The following NME7 variants were observed in gnomAD, a reference collection of about 807,000 sequenced individuals.
NME7 encodes the protein nucleoside diphosphate kinase 7.
A neutral mutation model predicts 49.1 loss-of-function variants in NME7; 41 were observed. The observed-to-expected ratio is 0.83, with a 90% CI of 0.65 to 1.08. The LOEUF (loss-of-function observed/expected upper bound fraction) is 1.08. NME7 is among the 50% of genes least tolerant of loss of function. The probability of loss-of-function intolerance (pLI) is 0.00; values close to 1 mark genes in which losing one functional copy is unlikely to be tolerated. For synonymous variants in NME7, 139 were observed against 150.6 expected, an observed-to-expected ratio of 0.92 and a Z score of 0.56; for missense variants, 423 against 463.4, an observed-to-expected ratio of 0.91 and a Z score of 0.80.
chr1:169,323,114 T>G lies in NME7; in HGVS notation c.278+3A>C. On this transcript the variant is annotated splice_donor_region_variant and intron_variant, in intron 3 of 11. Transcript: ENST00000367811. ...TAAAAAGATTATATAATTGTTTTCT[T>G]ACTTTTCTTTCCTACTGCCCAGCTG... is the stretch of plus-strand genomic sequence containing the variant. The G allele has an allele frequency of 6.5e-7, 1 of 1,546,172 alleles. No individual in the cohort carries two copies.
intron 3 of NME7, among the ~76,000 whole-genome samples, chr1:169,314,859 G>T (rs1379812364): frequency 2.6e-5 from 4 of 151,994 alleles, no homozygotes; most frequent in African/African-American, 9.7e-5. Flanking sequence ...GAATGGAAAA[G>T]GTATACCATG....
chr1:169,148,983 G>C (rs1557962166), intron 11 of NME7, among the ~76,000 whole-genome samples: 1 of 152,190 alleles, frequency 6.6e-6, no homozygotes. Flanking sequence ...TCTTCTGGAA[G>C]TTCTTTCAAC....
At chr1:169,344,956 A>G (rs1652905307) in intron 1 of NME7, among the ~76,000 whole-genome samples, 1 of 152,214 alleles carries the variant, frequency 6.6e-6, no homozygotes, top group Non-Finnish European at 1.5e-5. Context: ...TCATGAGAGT[A>G]GTCATCTGGG....
intron 10 of NME7, among the ~76,000 whole-genome samples, chr1:169,195,312 A>G (rs1453886196): frequency 6.6e-6 from 1 of 152,184 alleles, no homozygotes; most frequent in Non-Finnish European, 1.5e-5. Flanking sequence ...CCTGAGCTCA[A>G]GGGATCCTCC....
At chr1:169,136,894 A>G (rs924417277) in intron 11 of NME7, among the ~76,000 whole-genome samples, 1 of 152,156 alleles carries the variant, frequency 6.6e-6, no homozygotes, top group African/African-American at 2.4e-5. Context: ...CTATTTTCCA[A>G]TGGTTTTTAA....
intron 1 of NME7, among the ~76,000 whole-genome samples, chr1:169,340,598 T>C (rs1252841763): frequency 3.3e-5 from 5 of 152,152 alleles, no homozygotes; most frequent in African/African-American, 1.2e-4. Flanking sequence ...GAAAAGAAGA[T>C]GTGGGAAAGT....
intron 7 of NME7, among the ~76,000 whole-genome samples, chr1:169,239,783 G>T (rs1361206554): frequency 6.6e-6 from 1 of 151,904 alleles, no homozygotes; most frequent in Non-Finnish European, 1.5e-5. Flanking sequence ...CAAGGCAAAA[G>T]GAACATTAAG....
At chr1:169,360,594 T>C (rs10800438) in intron 1 of NME7, among the ~76,000 whole-genome samples, 5 of 151,844 alleles carry the variant, frequency 3.3e-5, no homozygotes, top group South Asian at 2.1e-4. Flanking sequence ...AGCCACACTA[T>C]CTCCCTCCTG....
At chr1:169,146,095 C>T (rs1054522432) in intron 11 of NME7, among the ~76,000 whole-genome samples, 23 of 152,144 alleles carry the variant, frequency 1.5e-4, no homozygotes, top group African/African-American at 2.9e-4. Context: ...TCACTCTCCC[C>T]GCTTTTAGAG....
chr1:169,255,465 G>T (rs1412483745), intron 7 of NME7, among the ~76,000 whole-genome samples: 860 of 103,616 alleles, frequency 8.3e-3, no homozygotes, highest in East Asian at 0.016. Context: ...GTCTCTGCAC[G>T]TGAGATGGGT....
intron 10 of NME7, among the ~76,000 whole-genome samples, chr1:169,230,467 A>G (rs1337586211): frequency 6.6e-6 from 1 of 152,174 alleles, no homozygotes; most frequent in African/African-American, 2.4e-5. Context: ...TAGCAAGAAG[A>G]AAGAAAAAAA....
chr1:169,217,228 G>A (rs1286483633), intron 10 of NME7, among the ~76,000 whole-genome samples: 1 of 152,096 alleles, frequency 6.6e-6, no homozygotes, highest in Non-Finnish European at 1.5e-5. Context: ...TAATGGAGAA[G>A]ACTTCTATAT....
At chr1:169,244,846 C>T (rs1199779980) in intron 7 of NME7, among the ~76,000 whole-genome samples, 1 of 151,216 alleles carries the variant, frequency 6.6e-6, no homozygotes, top group African/African-American at 2.4e-5. Context: ...CAATATCTAC[C>T]ACCTGGGTGC....
In NME7 at chr1:169,245,193, A is replaced by G. The variant is rs780554670; in HGVS notation, c.755-7506T>C. ...TCATAGTATCTATCATCTATAATATACCTCACAGCAATCTTGCAGCCAATG... is the reference window on the plus strand; with the variant it reads ...TCATAGTATCTATCATCTATAATATGCCTCACAGCAATCTTGCAGCCAATG... On this transcript the variant is annotated intron_variant, in intron 7 of 11. Coordinates refer to ENST00000367811, the MANE Select transcript of NME7 (RefSeq NM_013330.5). Among the ~76,000 whole-genome samples, 98 of 150,230 alleles carry G rather than the reference A, an allele frequency of 6.5e-4. 1 individual carries two copies. Among genetic ancestry groups the G allele is most frequent in the Non-Finnish European group, 7.4e-5 (5 of 67,248 alleles).
intron 7 of NME7, among the ~76,000 whole-genome samples, chr1:169,254,446 T>A: frequency 6.6e-6 from 1 of 151,952 alleles, no homozygotes; most frequent in African/African-American, 2.4e-5. Context: ...TATTAGATTC[T>A]TCTCTCTTTT....
At chr1:169,329,396 G>GAAA (rs34676722) in intron 1 of NME7, among the ~76,000 whole-genome samples, 2 of 98,224 alleles carry the variant, frequency 2.0e-5, no homozygotes, top group Non-Finnish European at 4.1e-5. Context: ...TGTGTTTCCT[G>GAAA]AAAAAAAAAA....
chr1:169,243,188 GA>G (rs1453724379), intron 7 of NME7, among the ~76,000 whole-genome samples: 5 of 152,146 alleles, frequency 3.3e-5, no homozygotes, highest in East Asian at 1.9e-4. Flanking sequence ...TATTGTCAGT[GA>G]TAGAGATCAA....
At chr1:169,252,926 T>C (rs1416700007) in intron 7 of NME7, among the ~76,000 whole-genome samples, 14 of 150,044 alleles carry the variant, frequency 9.3e-5, no homozygotes, top group African/African-American at 3.2e-4. Context: ...TCTATATCTC[T>C]GTTTTGGTAC....
intron 10 of NME7, among the ~76,000 whole-genome samples, chr1:169,220,283 T>C (rs1293782575): frequency 1.3e-5 from 2 of 152,234 alleles, no homozygotes; most frequent in Admixed American, 1.3e-4. Flanking sequence ...TATAACTTAA[T>C]ATAACATCTA....
Sources: allele counts gnomAD v4.1 joint callset (sites outside exome capture counted in the v4.1 genomes callset), GRCh38; gene constraint gnomAD v4.1.1; transcripts MANE v1.5; gene names NCBI Gene and HGNC (gene_info 2026-07-23, HGNC 2026-07-21).